SNX13: variants seen among roughly 807,000 people sequenced by gnomAD.
The protein encoded by SNX13 is sorting nexin 13, also known as sorting nexin-13.
In SNX13, 45 loss-of-function variants were observed where a neutral mutation model predicts 133.6. That is an observed-to-expected ratio of 0.34 (90% CI 0.27 to 0.43). The LOEUF (loss-of-function observed/expected upper bound fraction) is 0.43. Among genes scored for constraint, SNX13 ranks in the 20% least tolerant of loss-of-function variants. The pLI is 1.00. For missense variants in SNX13, 1,032 were observed against 1,145.1 expected (o/e 0.90, Z 1.43); for synonymous variants, 414 against 373.9 (o/e 1.11, Z -1.24).
intron 1 of SNX13, among the ~76,000 whole-genome samples, chr7:17,926,399 T>G (rs573813414): frequency 3.2e-4 from 49 of 152,258 alleles, no homozygotes; most frequent in South Asian, 8.3e-4. Flanking sequence ...TATCTAGGGC[T>G]GGGAAAGGTC....
rs1346848522 is a variant in SNX13 at position 17,940,309 on chromosome 7, G to T, written c.-14C>A. 4 of 1,565,654 alleles carry T rather than the reference G, an allele frequency of 2.6e-6. No homozygotes were observed. The African/African-American group carries it at 5.4e-5, about 21-fold the overall frequency. ...CTCAGTTAACATTATTACACCCCGGGGAAGTGAGGTCCTCCCTAGCCTCGC... is the reference window on the plus strand; with the variant it reads ...CTCAGTTAACATTATTACACCCCGGTGAAGTGAGGTCCTCCCTAGCCTCGC... On this transcript the variant is annotated 5_prime_UTR_variant, in exon 1 of 26. Transcript: ENST00000428135.
chr7:17,815,461 T>G (rs1394264429), intron 19 of SNX13, among the ~76,000 whole-genome samples: 1 of 152,138 alleles, frequency 6.6e-6, no homozygotes, highest in African/African-American at 2.4e-5. Context: ...GGCATGCACC[T>G]GTAGTCCTAG....
chr7:17,794,137 G>A lies in SNX13; in HGVS notation c.2782C>T (p.Leu928Phe), dbSNP rs762576556. Residue 928 changes from leucine to phenylalanine, a missense_variant, in exon 26 of 26, where the codon CTT (leucine) becomes TTT (phenylalanine). Leu to Phe is a conservative substitution (Grantham distance 22). Transcript: ENST00000428135. The stretch of plus-strand genomic sequence containing the variant: ...GACCGTGAATGCAGTTTGTTGAAAA[G>A]TTCACGGAATTTATACTGTGGAAAT... ...TLFPQYKFRE[L>F]FNKLHSRSKQ... The A allele has an allele frequency of 7.4e-6, 12 of 1,611,702 alleles. No homozygotes were observed. The South Asian group carries it at 1.2e-4, about 16-fold the overall frequency.
chr7:17,939,934 C>T (rs1775950481), intron 1 of SNX13, among the ~76,000 whole-genome samples: 1 of 151,986 alleles, frequency 6.6e-6, no homozygotes, highest in African/African-American at 2.4e-5. Flanking sequence ...TCACAAGAAC[C>T]AGCAGTAACG....
intron 25 of SNX13, chr7:17,795,860 CT>C (rs1022283728): frequency 6.6e-6 from 1 of 151,512 alleles, no homozygotes; most frequent in East Asian, 1.9e-4. Context: ...CTATAATTTG[CT>C]TTTTTATCAG....
chr7:17,819,466 A>G (rs1302407164), intron 18 of SNX13, among the ~76,000 whole-genome samples: 1 of 152,156 alleles, frequency 6.6e-6, no homozygotes, highest in Non-Finnish European at 1.5e-5. Context: ...ACCTCAAGCA[A>G]TCTGCCCACC....
intron 9 of SNX13, chr7:17,868,185 C>T (rs1793631858): frequency 2.2e-6 from 1 of 459,316 alleles, no homozygotes; most frequent in Admixed American, 4.1e-5. Context: ...GTAGTAGCAC[C>T]ATAACCGCAA....
intron 9 of SNX13, among the ~76,000 whole-genome samples, chr7:17,867,386 C>A (rs549550956): frequency 4.6e-5 from 7 of 152,062 alleles, no homozygotes; most frequent in African/African-American, 7.2e-5. Context: ...GCAGGCAGAT[C>A]GCTTGAGCTC....
rs961803518 is a variant in SNX13, at chr7:17,792,726, G to A, written c.*1319C>T. Reference sequence around the variant, plus strand: ...AAAAGCTGACACACCCAAACCCTTAGGCAATGAAAGTATTTAAAACTATGC... The same window carrying A: ...AAAAGCTGACACACCCAAACCCTTAAGCAATGAAAGTATTTAAAACTATGC... On this transcript the variant is annotated 3_prime_UTR_variant, in exon 26 of 26. Coordinates refer to ENST00000428135, the MANE Select transcript of SNX13 (RefSeq NM_015132.5). 1 of 152,238 alleles carries A rather than the reference G, an allele frequency of 6.6e-6. No individual in the cohort carries two copies. The highest frequency in any genetic ancestry group is 1.5e-5 in the Non-Finnish European group (1 of 67,844). 9.4% of individuals were successfully genotyped at this position (152,238 alleles called of 1,614,324 possible).
At chr7:17,805,793 A>C (rs1785230473) in intron 20 of SNX13, among the ~76,000 whole-genome samples, 1 of 152,196 alleles carries the variant, frequency 6.6e-6, no homozygotes, top group South Asian at 2.1e-4. Context: ...TCTGTGTAGC[A>C]TCCCAGAAGT....
At chr7:17,858,758 T>C (rs2128335536) in intron 9 of SNX13, among the ~76,000 whole-genome samples, 1 of 152,192 alleles carries the variant, frequency 6.6e-6, no homozygotes, top group East Asian at 1.9e-4. Context: ...GATATTTGCA[T>C]ATGGGTACAC....
chr7:17,855,315 G>A (rs1439074411), intron 9 of SNX13, among the ~76,000 whole-genome samples: 1 of 152,178 alleles, frequency 6.6e-6, no homozygotes, highest in Non-Finnish European at 1.5e-5. Flanking sequence ...TATACGGCAA[G>A]TCATCCAGAT....
At chr7:17,805,211 T>TTTTGTGTGTG (rs1554304145) in intron 20 of SNX13, among the ~76,000 whole-genome samples, 1 of 118,492 alleles carries the variant, frequency 8.4e-6, no homozygotes, top group African/African-American at 3.4e-5. Context: ...TAATGATTCT[T>TTTTGTGTGTG]TGTGTGTGTG....
intron 2 of SNX13, among the ~76,000 whole-genome samples, chr7:17,894,521 A>T (rs1483274890): frequency 6.6e-6 from 1 of 152,130 alleles, no homozygotes; most frequent in Non-Finnish European, 1.5e-5. Flanking sequence ...TGTTTAAAAT[A>T]AGGCTGGAAT....
intron 2 of SNX13, among the ~76,000 whole-genome samples, chr7:17,893,987 T>C (rs555182224): frequency 1.4e-5 from 2 of 139,316 alleles, no homozygotes; most frequent in East Asian, 4.3e-4. Context: ...AAAAAAAAAC[T>C]TAAGTGACAT....
chr7:17,901,960 T>C (rs537948129), intron 1 of SNX13, among the ~76,000 whole-genome samples: 5 of 152,306 alleles, frequency 3.3e-5, no homozygotes, highest in Admixed American at 3.3e-4. Context: ...TTCTCTCTTA[T>C]GTACAAATCA....
chr7:17,865,833 C>G (rs1016227274), intron 9 of SNX13, among the ~76,000 whole-genome samples: 1 of 152,064 alleles, frequency 6.6e-6, no homozygotes, highest in African/African-American at 2.4e-5. Flanking sequence ...GAAATAAACC[C>G]ACACATTCAC....
intron 20 of SNX13, among the ~76,000 whole-genome samples, chr7:17,813,502 G>T (rs535931047): frequency 6.6e-6 from 1 of 151,978 alleles, no homozygotes; most frequent in African/African-American, 2.4e-5. Flanking sequence ...TGTGGTTTTT[G>T]CCATTTGTTT....
At chr7:17,923,957 A>G in intron 1 of SNX13, among the ~76,000 whole-genome samples, 1 of 152,248 alleles carries the variant, frequency 6.6e-6, no homozygotes, top group East Asian at 1.9e-4. Flanking sequence ...CATCAAAAAT[A>G]CATTTATTCA....
Sources: gnomAD v4.1 joint callset for allele counts (sites outside exome capture counted in the v4.1 genomes callset) on GRCh38, gnomAD v4.1.1 for gene constraint, MANE v1.5 for transcripts, NCBI Gene and HGNC (gene_info 2026-07-23, HGNC 2026-07-21) for gene names.